The following RNF31 variants were observed in gnomAD, a reference collection of about 807,000 sequenced individuals.
RNF31 encodes E3 ubiquitin-protein ligase RNF31.
In RNF31, 38 loss-of-function variants were observed where a neutral mutation model predicts 133.6. The observed-to-expected ratio is 0.28, with a 90% confidence interval of 0.22 to 0.37. The LOEUF (loss-of-function observed/expected upper bound fraction) is 0.37, where lower values mean the gene tolerates loss of function less well. RNF31 is among the 10% of genes least tolerant of loss of function. The pLI, the probability that RNF31 is intolerant of heterozygous loss-of-function variation, is 1.00. For synonymous variants in RNF31, 582 were observed against 552.3 expected (o/e 1.05, Z -0.75); for missense variants, 1,118 against 1,394.1 (o/e 0.80, Z 3.15).
In RNF31 at chr14:24,151,675, T is replaced by C; in HGVS notation, c.1923+5T>C. Reference sequence around the variant, plus strand: ...TGGGATGGGCCAGACAAGCAGGTGCTGGGAGGAGGCAAGAAGCCCAAGGGT... The same window carrying C: ...TGGGATGGGCCAGACAAGCAGGTGCCGGGAGGAGGCAAGAAGCCCAAGGGT... On this transcript the variant is annotated splice_donor_5th_base_variant and intron_variant, in intron 10 of 20. Coordinates refer to ENST00000324103, the MANE Select transcript of RNF31 (RefSeq NM_017999.5). The surrounding 1 kb of genome is among the most constrained non-coding windows in gnomAD (Gnocchi z 5.3). The C allele has an allele frequency of 6.2e-7, 1 of 1,609,838 alleles. No individual in the cohort carries two copies. The highest frequency in any genetic ancestry group is 8.5e-7 in the Non-Finnish European group (1 of 1,179,764).
chr14:24,149,132 T>C (rs1190445995), intron 5 of RNF31: 1 of 591,878 alleles, frequency 1.7e-6, no homozygotes, highest in East Asian at 2.9e-5. Context: ...CTCGGCTAAT[T>C]TTGTATTTTT....
chr14:24,159,236 A>G (rs186263630), intron 18 of RNF31, among the ~76,000 whole-genome samples: 110 of 150,814 alleles, frequency 7.3e-4, no homozygotes, highest in African/African-American at 2.6e-3. Flanking sequence ...AATCCCACCT[A>G]CTCGGGTGGC....
chr14:24,149,932 T>C, intron 6 of RNF31, 129 bp from the exon 7 acceptor site: 7 of 1,146,472 alleles, frequency 6.1e-6, no homozygotes, highest in Non-Finnish European at 8.6e-6. Context: ...TATAGGAGTA[T>C]TCGAGACAGA....
At chr14:24,154,286 T>C (rs774661261) in intron 11 of RNF31, among the ~76,000 whole-genome samples, 16 of 151,958 alleles carry the variant, frequency 1.1e-4, no homozygotes, top group Non-Finnish European at 1.6e-4. Context: ...GCCTCCCGAG[T>C]AGCTGGGATT....
Position 24,150,247 on chromosome 14 carries a change from G to C in RNF31, c.996G>C (p.Leu332Phe), listed in dbSNP as rs1228240470. The C allele has an allele frequency of 6.2e-7, 1 of 1,614,198 alleles. No individual in the cohort carries two copies. Among genetic ancestry groups the C allele is most frequent in the Admixed American group, 1.7e-5 (1 of 60,018 alleles). ...ACDRPRGCKG[L>F]GLGTEGPQGT... ...ATCGGCCCCGAGGCTGTAAGGGGTT[G>C]GGGTTGGGAACTGAGGGTCCCCAAG... is the stretch of plus-strand genomic sequence containing the variant. The change falls in exon 7 of 21, where the codon TTG becomes TTC. Residue 332 changes from leucine (L) to phenylalanine (F), a missense_variant. Leu to Phe is a conservative substitution (Grantham distance 22). Around this residue, in one of 3 missense-constraint regions of RNF31, gnomAD observed 747 missense variants for 827.9 expected, o/e 0.90. Transcript: ENST00000324103.
At position 24,150,887 on chromosome 14, in the gene RNF31, G is replaced by A. The variant is rs374500483; in HGVS notation, c.1487G>A (p.Arg496Gln). The part of the protein sequence containing the change: ...EEGLQLVSMI[R>Q]EGEAAGACPE... ...GGCCTCCAGCTAGTGAGCATGATCC[G>A]GGTAAGGACTGGGCCTGCGATGAGG... is the stretch of plus-strand genomic sequence containing the variant. Residue 496 changes from arginine (R) to glutamine (Q), a missense_variant and splice_region_variant, in exon 8 of 21, where the codon CGG (arginine) becomes CAG (glutamine). Physicochemically the swap from Arg to Gln is conservative, Grantham distance 43 (BLOSUM62 1). Around this residue, in one of 3 missense-constraint regions of RNF31, gnomAD observed 747 missense variants for 827.9 expected, o/e 0.90. Transcript: ENST00000324103. 26 of 1,551,088 alleles carry A rather than the reference G, an allele frequency of 1.7e-5. No individual in the cohort carries two copies. Among genetic ancestry groups the A allele is most frequent in the Middle Eastern group, 1.7e-4 (1 of 5,742 alleles).
chr14:24,159,606 A>T (rs372299717), intron 18 of RNF31, among the ~76,000 whole-genome samples: 10 of 147,284 alleles, frequency 6.8e-5, no homozygotes, highest in Non-Finnish European at 6.0e-5. Flanking sequence ...AAAAAAAAAA[A>T]CACTATCTCA....
intron 18 of RNF31, among the ~76,000 whole-genome samples, chr14:24,159,584 C>CAAAAAAAAAAAAAAAAAAAAAAAAA (rs59295225): frequency 1.2e-5 from 1 of 82,198 alleles, no homozygotes. Context: ...AAATAACAAC[C>CAAAAAAAAAAAAAAAAAAAAAAAAA]AAAAAAAAAA....
chr14:24,157,789 T>C, intron 16 of RNF31, 109 bp from the exon 17 acceptor site: 1 of 1,110,248 alleles, frequency 9.0e-7, no homozygotes. Flanking sequence ...TGCTTGCTCC[T>C]CCAATGTCTC....
chr14:24,151,323 C>A lies in RNF31; in HGVS notation c.1681C>A (p.Arg561Ser). The A allele has an allele frequency of 6.2e-7, 1 of 1,614,188 alleles. No homozygotes were observed. Among genetic ancestry groups the A allele is most frequent in the East Asian group, 2.2e-5 (1 of 44,888 alleles). Residue 561 changes from arginine (R) to serine (S), a missense_variant, in exon 9 of 21, where the codon CGT becomes AGT. Arg to Ser is a moderately radical substitution (Grantham distance 110, BLOSUM62 -1). Around this residue, in one of 3 missense-constraint regions of RNF31, gnomAD observed 747 missense variants for 827.9 expected, o/e 0.90. Transcript: ENST00000324103. This position sits in a 1 kb window ranked among gnomAD's most constrained non-coding sequence, Gnocchi z 5.3. ...GGAGGCCCGGAGAGCCTGGCTGGAT[C>A]GTCATGGCAACCTTGATGAAGCTGT... ...CQEARRAWLD[R>S]HGNLDEAVEE... is the part of the protein sequence containing the mutation.
Position 24,157,499 on chromosome 14 carries a change from C to T in RNF31, c.2609-21C>T. 1.9e-6 allele frequency: 3 copies of T among 1,611,970 alleles called. No homozygotes were observed. In the South Asian group the frequency reaches 3.3e-5, roughly 18 times the overall value. On this transcript the variant is annotated intron_variant, in intron 15 of 20. Coordinates refer to ENST00000324103, the MANE Select transcript of RNF31 (RefSeq NM_017999.5). ...TTGAGTTGCAGCGGCAGCTCCAGCC[C>T]TGACCTCTTGTCCTTTGCAGACTGC...
Position 24,155,590 on chromosome 14 carries a change from C to A in RNF31, c.2404-13C>A. The A allele has an allele frequency of 6.2e-7, 1 of 1,614,050 alleles. No homozygotes were observed. On this transcript the variant is annotated splice_polypyrimidine_tract_variant and intron_variant, in intron 13 of 20. Coordinates refer to ENST00000324103, the MANE Select transcript of RNF31 (RefSeq NM_017999.5). The surrounding 1 kb of genome is among the most constrained non-coding windows in gnomAD (Gnocchi z 4.9). ...GTCAGGCCTTTGATAACTTTATGCTCTTGCACTTCCAGTGCTCCTTTGGCT... is the reference window on the plus strand; with the variant it reads ...GTCAGGCCTTTGATAACTTTATGCTATTGCACTTCCAGTGCTCCTTTGGCT...
At position 24,160,095 on chromosome 14, in the gene RNF31, G is replaced by T; in HGVS notation, c.2996+135G>T. ...GGAGGGAGGAGGCTTTCTGGGCAAGGGCATGGGTAGATAGTAGCAGGCAGT... is the reference window on the plus strand; with the variant it reads ...GGAGGGAGGAGGCTTTCTGGGCAAGTGCATGGGTAGATAGTAGCAGGCAGT... On this transcript the variant is annotated intron_variant, in intron 19 of 20. Transcript: ENST00000324103. This position sits in a 1 kb window ranked among gnomAD's most constrained non-coding sequence, Gnocchi z 4.0. 1 of 1,311,286 alleles carries T rather than the reference G, an allele frequency of 7.6e-7. No individual in the cohort carries two copies. The highest frequency in any genetic ancestry group is 1.1e-6 in the Non-Finnish European group (1 of 941,734). The allele number at this position is 1,311,286 out of a possible 1,614,324, so 81.2% of individuals were successfully genotyped here.
rs141645237 is a variant in RNF31, at chr14:24,157,421, C to T, written c.2608+17C>T. On this transcript the variant is annotated intron_variant, in intron 15 of 20. Transcript: ENST00000324103. ...ACGGCATTGGTAAGGCCTCCCTACT[C>T]GGCCTGTTTGCTCAGAAGCCTGTCA... 779 of 1,604,330 alleles carry T rather than the reference C, an allele frequency of 4.9e-4. 3 individuals are homozygous for T. In the African/African-American group the frequency reaches 9.3e-3, roughly 19 times the overall value.
Position 24,158,185 on chromosome 14 carries a change from G to A in RNF31, c.2885G>A (p.Arg962Gln), listed in dbSNP as rs1168193846. 22 of 1,614,066 alleles carry A rather than the reference G, an allele frequency of 1.4e-5. No homozygotes were observed. The highest frequency in any genetic ancestry group is 1.7e-5 in the Non-Finnish European group (20 of 1,180,020). The change falls in exon 18 of 21, where the codon CGG becomes CAG. Residue 962 changes from arginine to glutamine, a missense_variant. Physicochemically the swap from Arg to Gln is conservative, Grantham distance 43. Transcript: ENST00000324103. The stretch of plus-strand genomic sequence containing the variant: ...AATACAGAGCCTCCAGCTGGGGCCC[G>A]GGCAGTCCCTGGAGGTGAGTGTTAG... ...MFNTEPPAGA[R>Q]AVPGGGCRVI...
rs1387675589 is a variant in RNF31, at chr14:24,147,845, G to T, written c.147G>T (p.Leu49=). 8 of 1,609,900 alleles carry T rather than the reference G, an allele frequency of 5.0e-6. No individual in the cohort carries two copies. The highest frequency in any genetic ancestry group is 6.8e-6 in the Non-Finnish European group (8 of 1,179,426). The part of the protein sequence containing the change: ...ASSLPLAARY[L]QLDAARLVRC... The stretch of plus-strand genomic sequence containing the variant: ...CTCTGCCGCTAGCCGCCCGCTACCT[G>T]CAGCTGGACGCCGCACGCCTTGTCC... The change falls in exon 1 of 21, where the codon CTG becomes CTT. Residue 49 remains leucine (L), a synonymous_variant. Coordinates refer to ENST00000324103, the MANE Select transcript of RNF31 (RefSeq NM_017999.5).
Position 24,155,396 on chromosome 14 carries a change from T to C in RNF31, c.2305-18T>C. Reference sequence around the variant, plus strand: ...AACAGGGACCCTCCCACCCACCACCTCTGCATCCTGTCCCCAGCTTCGCGA... The same window carrying C: ...AACAGGGACCCTCCCACCCACCACCCCTGCATCCTGTCCCCAGCTTCGCGA... On this transcript the variant is annotated intron_variant, in intron 12 of 20. Transcript: ENST00000324103. The surrounding 1 kb of genome is among the most constrained non-coding windows in gnomAD (Gnocchi z 4.9). 1 of 1,576,764 alleles carries C rather than the reference T, an allele frequency of 6.3e-7. No homozygotes were observed. Among genetic ancestry groups the C allele is most frequent in the Non-Finnish European group, 8.7e-7 (1 of 1,148,632 alleles).
Position 24,150,618 on chromosome 14 carries a change from C to G in RNF31, c.1218C>G (p.Ala406=). ...CCCAGCAGGGGGATGCTTTGCTGGC[C>G]TCTGCCCAGAGTCAAGTCTGGTACT... is the stretch of plus-strand genomic sequence containing the variant. ...QPLQQGDALL[A]SAQSQVWYCI... Residue 406 remains alanine, a synonymous_variant, in exon 8 of 21, where the codon GCC becomes GCG. Transcript: ENST00000324103. 6.2e-7 allele frequency: 1 copy of G among 1,611,832 alleles called. No homozygotes were observed. Among genetic ancestry groups the G allele is most frequent in the Non-Finnish European group, 8.5e-7 (1 of 1,178,100 alleles).
chr14:24,158,835 C>CA (rs1172866121), intron 18 of RNF31: 1 of 150,362 alleles, frequency 6.7e-6, no homozygotes, highest in Non-Finnish European at 1.5e-5. Flanking sequence ...AGATCGAGAC[C>CA]ATCCTGGCTA....
Sources: allele counts gnomAD v4.1 joint callset (sites outside exome capture counted in the v4.1 genomes callset), GRCh38; gene constraint gnomAD v4.1.1; regional missense constraint gnomAD v4.1.1; non-coding constraint Gnocchi (gnomAD v3.1); transcripts MANE v1.5; gene names NCBI Gene and HGNC (gene_info 2026-07-23, HGNC 2026-07-21).